The following STK24 variants were observed in gnomAD, a reference collection of about 807,000 sequenced individuals.
STK24 encodes serine/threonine-protein kinase 24.
A neutral mutation model predicts 55.6 loss-of-function variants in STK24; 21 were observed. The ratio of observed to expected loss-of-function variants is 0.38; its 90% CI spans 0.27 to 0.54. The LOEUF (loss-of-function observed/expected upper bound fraction) is 0.54, where lower values mean the gene tolerates loss of function less well. Ranked by LOEUF, STK24 falls within the 20% of genes least tolerant of loss-of-function variation. The pLI is 0.79. For synonymous variants in STK24, 200 were observed against 215.2 expected (o/e 0.93, Z 0.62); for missense variants, 383 against 538.4 (o/e 0.71, Z 2.86).
In STK24 at chr13:98,576,892, G is replaced by T; in HGVS notation, c.-106C>A. ...GCGCAGCCCTCGGGCGGCGGGGCCG[G>T]CCGGAGCCCGAGGCCACCCCAGCCC... On this transcript the variant is annotated 5_prime_UTR_variant, in exon 1 of 11. Coordinates refer to ENST00000539966, the MANE Select transcript of STK24 (RefSeq NM_001032296.4). 1.5e-6 allele frequency: 1 copy of T among 645,580 alleles called. No individual in the cohort carries two copies. Among genetic ancestry groups the T allele is most frequent in the Non-Finnish European group, 1.9e-6 (1 of 524,258 alleles). The allele number at this position is 645,580 out of a possible 1,614,324, so 40.0% of individuals were successfully genotyped here. A position where few individuals can be genotyped will look rare whatever the true frequency, so the allele number is the denominator to read the frequency against.
chr13:98,570,157 G>A (rs528867844), intron 1 of STK24, among the ~76,000 whole-genome samples: 46 of 152,268 alleles, frequency 3.0e-4, no homozygotes, highest in African/African-American at 1.1e-3. Flanking sequence ...GGGATTACAG[G>A]CGTGAGCCAC....
intron 1 of STK24, among the ~76,000 whole-genome samples, chr13:98,575,636 C>A (rs183938106): frequency 2.2e-4 from 33 of 152,212 alleles, no homozygotes; most frequent in Admixed American, 1.9e-3. Context: ...GCTTCTCAGC[C>A]CTCAAGACAC....
chr13:98,498,820 A>G (rs949328049), intron 2 of STK24, among the ~76,000 whole-genome samples: 3 of 152,166 alleles, frequency 2.0e-5, no homozygotes, highest in African/African-American at 7.2e-5. Flanking sequence ...GTGGGACAGA[A>G]AGGGAAGGGA....
intron 1 of STK24, among the ~76,000 whole-genome samples, chr13:98,566,788 G>A (rs1251108234): frequency 6.6e-6 from 1 of 152,234 alleles, no homozygotes; most frequent in Non-Finnish European, 1.5e-5. Context: ...GTGAGGCTTT[G>A]TGCTACCAGC....
intron 9 of STK24, 100 bp from the exon 10 acceptor site, chr13:98,457,404 T>C: frequency 7.2e-6 from 11 of 1,537,708 alleles, no homozygotes; most frequent in Non-Finnish European, 8.8e-6. Context: ...ACCACGACAC[T>C]ACCCCAGCCC....
At chr13:98,461,054 A>AAAGAT in intron 8 of STK24, among the ~76,000 whole-genome samples, 1 of 143,750 alleles carries the variant, frequency 7.0e-6, no homozygotes, top group South Asian at 2.2e-4. Flanking sequence ...AAAAAAAAAA[A>AAAGAT]AGAGAGAGAG....
At chr13:98,544,329 G>A (rs913631859) in intron 1 of STK24, among the ~76,000 whole-genome samples, 4 of 152,214 alleles carry the variant, frequency 2.6e-5, no homozygotes, top group African/African-American at 4.8e-5. Flanking sequence ...GAAGTCCCCA[G>A]CAGGCCTGGC....
chr13:98,467,513 C>T (rs910194542), intron 5 of STK24, among the ~76,000 whole-genome samples: 1 of 152,096 alleles, frequency 6.6e-6, no homozygotes, highest in Non-Finnish European at 1.5e-5. Context: ...TACAACAGTC[C>T]TGTCCCCAGT....
intron 1 of STK24, among the ~76,000 whole-genome samples, chr13:98,520,204 G>C (rs1484100528): frequency 6.6e-6 from 1 of 152,208 alleles, no homozygotes; most frequent in Non-Finnish European, 1.5e-5. Context: ...AGTTCTCAAA[G>C]GGGGCAGTAA....
At chr13:98,482,130 A>T in intron 3 of STK24, 135 bp downstream of exon 3, 3 of 464,282 alleles carry the variant, frequency 6.5e-6, no homozygotes, top group Non-Finnish European at 1.2e-5. Flanking sequence ...AAAACACGTA[A>T]GGAATAGTTT....
chr13:98,527,285 C>T (rs1813413542), intron 1 of STK24, among the ~76,000 whole-genome samples: 1 of 152,144 alleles, frequency 6.6e-6, no homozygotes, highest in South Asian at 2.1e-4. Context: ...GCCTAGGCAA[C>T]AAAGTGAGAC....
intron 2 of STK24, among the ~76,000 whole-genome samples, chr13:98,502,249 T>G (rs1246869018): frequency 1.3e-5 from 2 of 152,178 alleles, no homozygotes; most frequent in Admixed American, 1.3e-4. Context: ...ATCTGCTATG[T>G]TCCTATCTGC....
At chr13:98,552,532 A>ACATG (rs1897181836) in intron 1 of STK24, among the ~76,000 whole-genome samples, 1 of 152,186 alleles carries the variant, frequency 6.6e-6, no homozygotes, top group South Asian at 2.1e-4. Flanking sequence ...TTAGAGAAGG[A>ACATG]CATGCACTCA....
intron 1 of STK24, among the ~76,000 whole-genome samples, chr13:98,550,854 C>T (rs984613326): frequency 6.6e-6 from 1 of 152,064 alleles, no homozygotes; most frequent in African/African-American, 2.4e-5. Context: ...CAATTCAATG[C>T]TTTAACAATA....
intron 2 of STK24, among the ~76,000 whole-genome samples, chr13:98,488,135 G>A (rs1158692002): frequency 5.5e-5 from 8 of 145,224 alleles, no homozygotes; most frequent in South Asian, 2.2e-4. Context: ...GATCCAATAC[G>A]GCTGGTGTCA....
chr13:98,477,643 C>T (rs1446530868), intron 3 of STK24, among the ~76,000 whole-genome samples: 1 of 151,390 alleles, frequency 6.6e-6, no homozygotes, highest in African/African-American at 2.4e-5. Context: ...CCATTGCACT[C>T]CAGCCTGGGT....
At chr13:98,516,329 C>A in intron 2 of STK24, among the ~76,000 whole-genome samples, 1 of 152,228 alleles carries the variant, frequency 6.6e-6, no homozygotes, top group East Asian at 1.9e-4. Context: ...AAAGGACAAT[C>A]TGCTTAGTAA....
chr13:98,505,546 T>G (rs773860505), intron 2 of STK24, among the ~76,000 whole-genome samples: 1 of 152,128 alleles, frequency 6.6e-6, no homozygotes, highest in Non-Finnish European at 1.5e-5. Flanking sequence ...CAGGGAAGAG[T>G]CATTAGACCC....
intron 2 of STK24, among the ~76,000 whole-genome samples, chr13:98,511,029 C>CA (rs1256415133): frequency 6.6e-6 from 1 of 152,168 alleles, no homozygotes; most frequent in Non-Finnish European, 1.5e-5. Flanking sequence ...GACAGTGTCT[C>CA]ACTCTGTTAC....
Sources: allele counts gnomAD v4.1 joint callset (sites outside exome capture counted in the v4.1 genomes callset), GRCh38; gene constraint gnomAD v4.1.1; transcripts MANE v1.5; gene names NCBI Gene and HGNC (gene_info 2026-07-23, HGNC 2026-07-21).